Variants in GOLT1A observed in about 807,000 individuals in gnomAD.
GOLT1A encodes the protein golgi transport 1A, also known as vesicle transport protein GOT1A.
Under a neutral mutation model 16.1 loss-of-function variants are expected in GOLT1A, and 10 were observed. The ratio of observed to expected loss-of-function variants is 0.62; its 90% CI spans 0.38 to 1.05. The LOEUF (loss-of-function observed/expected upper bound fraction) is 1.05. Among genes scored for constraint, GOLT1A ranks in the 50% least tolerant of loss-of-function variants. The pLI is 0.01. For missense variants in GOLT1A, 137 were observed against 165.7 expected (o/e 0.83, Z 0.95); for synonymous variants, 60 against 67.9 (o/e 0.88, Z 0.57).
intron 2 of GOLT1A, among the ~76,000 whole-genome samples, chr1:204,202,633 G>A (rs1393723410): frequency 5.9e-5 from 9 of 151,986 alleles, no homozygotes; most frequent in South Asian, 4.1e-4. Flanking sequence ...CCAGGGTCTC[G>A]CCCAGAGCTC....
At chr1:204,199,369 G>A (rs1658915762) in intron 3 of GOLT1A, 111 bp from the exon 4 acceptor site, 1 of 813,450 alleles carries the variant, frequency 1.2e-6, no homozygotes, top group African/African-American at 1.7e-5. Context: ...CACACACCAG[G>A]GACAGGCTTG....
In GOLT1A at chr1:204,198,281, CTT is replaced by C. The variant is rs1287220038; in HGVS notation, c.*175_*176del. On this transcript the variant is annotated 3_prime_UTR_variant, in exon 5 of 5. Transcript: ENST00000308302. ...CTGCATCTCTGCTTCCTGGCAGCCT[CTT>C]GAGTCGACTTGGGGATTTGACGTCA... The C allele has an allele frequency of 3.1e-5, 19 of 603,250 alleles. No homozygotes were observed. The highest frequency in any genetic ancestry group is 3.8e-5 in the Non-Finnish European group (13 of 346,174). 37.4% of individuals were successfully genotyped at this position (603,250 alleles called of 1,614,324 possible).
At chr1:204,207,499 C>T (rs1659059897) in intron 1 of GOLT1A, among the ~76,000 whole-genome samples, 1 of 152,224 alleles carries the variant, frequency 6.6e-6, no homozygotes, top group South Asian at 2.1e-4. Context: ...CCCATGGCCA[C>T]CCGATACGGA....
chr1:204,201,375 G>A (rs1232297119), intron 3 of GOLT1A, among the ~76,000 whole-genome samples: 3 of 152,180 alleles, frequency 2.0e-5, no homozygotes, highest in African/African-American at 4.8e-5. Context: ...GGCAGGCCTC[G>A]TGTCTCTTCC....
chr1:204,210,547 T>A (rs1415988871), intron 1 of GOLT1A, among the ~76,000 whole-genome samples: 1 of 152,232 alleles, frequency 6.6e-6, no homozygotes, highest in Non-Finnish European at 1.5e-5. Flanking sequence ...CTCAGTCTCC[T>A]GAGTAGCTGG....
intron 4 of GOLT1A, 101 bp from the exon 5 acceptor site, chr1:204,198,597 C>A: frequency 8.8e-7 from 1 of 1,137,802 alleles, no homozygotes; most frequent in East Asian, 2.4e-5. Flanking sequence ...CTGTGCCAGG[C>A]GCAGATACGA....
intron 2 of GOLT1A, among the ~76,000 whole-genome samples, chr1:204,202,090 C>G (rs1280602647): frequency 6.6e-6 from 1 of 152,022 alleles, no homozygotes; most frequent in Non-Finnish European, 1.5e-5. Context: ...TCATATGGGA[C>G]TTGGTTTCTC....
chr1:204,198,629 C>T, intron 4 of GOLT1A, 133 bp from the exon 5 acceptor site: 1 of 791,984 alleles, frequency 1.3e-6, no homozygotes, highest in Non-Finnish European at 2.0e-6. Context: ...GGGGCTGTGT[C>T]CAGCTGGCGG....
intron 1 of GOLT1A, among the ~76,000 whole-genome samples, chr1:204,209,446 T>C (rs1394622493): frequency 6.6e-6 from 1 of 152,178 alleles, no homozygotes; most frequent in African/African-American, 2.4e-5. Context: ...GCCTTCTCTG[T>C]GTTAAACCTA....
At chr1:204,201,208 C>G (rs1046271567) in intron 3 of GOLT1A, among the ~76,000 whole-genome samples, 12 of 152,194 alleles carry the variant, frequency 7.9e-5, no homozygotes, top group African/African-American at 2.9e-4. Context: ...AGACTTTGGG[C>G]CGGGGGCAAC....
chr1:204,200,679 A>C (rs1213555397), intron 3 of GOLT1A, among the ~76,000 whole-genome samples: 1 of 152,116 alleles, frequency 6.6e-6, no homozygotes, highest in Non-Finnish European at 1.5e-5. Context: ...TATGCATGAG[A>C]AACTTTAAAG....
chr1:204,200,257 T>C (rs1021129663), intron 3 of GOLT1A, among the ~76,000 whole-genome samples: 1 of 143,818 alleles, frequency 7.0e-6, no homozygotes, highest in Non-Finnish European at 1.5e-5. Flanking sequence ...ATTATATATT[T>C]GACAATTTGA....
chr1:204,202,318 C>T lies in GOLT1A; in HGVS notation c.118-507G>A, dbSNP rs1012087134. ...CCCTTAAGAGTGCCCAGGCTCTCAT[C>T]AAATTGAACTCTCTGGTTTTCTTCC... On this transcript the variant is annotated intron_variant, in intron 2 of 4. Coordinates refer to ENST00000308302, the MANE Select transcript of GOLT1A (RefSeq NM_198447.2). 2.0e-5 allele frequency among the ~76,000 whole-genome samples: 3 copies of T among 151,266 alleles called. No homozygotes were observed. The East Asian group carries it at 5.9e-4, about 30-fold the overall frequency.
chr1:204,200,339 T>G (rs1252070284), intron 3 of GOLT1A, among the ~76,000 whole-genome samples: 1 of 56,524 alleles, frequency 1.8e-5, no homozygotes, highest in Non-Finnish European at 3.5e-5. Flanking sequence ...TTTTTTTTTT[T>G]TGAGAGAGAG....
intron 1 of GOLT1A, among the ~76,000 whole-genome samples, chr1:204,212,189 A>C (rs72749759): frequency 0.064 from 9,668 of 152,164 alleles, 390 homozygotes; most frequent in African/African-American, 0.11. Context: ...CAGGCTAAAA[A>C]ATATACAAGG....
rs150180519 is a variant in GOLT1A, at chr1:204,200,295, A to ATGTGTG, written c.297-1038_297-1037insCACACA. ...AAGCGACTGTTTGAAAATGACATATATGTGTATATATATATATATATATAT... is the reference window on the plus strand; with the variant it reads ...AAGCGACTGTTTGAAAATGACATATATGTGTGTGTGTATATATATATATATATATAT... On this transcript the variant is annotated intron_variant, in intron 3 of 4. Transcript: ENST00000308302. Among the ~76,000 whole-genome samples, 191 of 97,194 alleles carry ATGTGTG rather than the reference A, an allele frequency of 2.0e-3. 7 individuals are homozygous for ATGTGTG. The highest frequency in any genetic ancestry group is 8.9e-3 in the African/African-American group (168 of 18,838). 63.8% of individuals were successfully genotyped at this position (97,194 alleles called of 152,430 possible). A position where few individuals can be genotyped will look rare whatever the true frequency, so the allele number is the denominator to read the frequency against.
rs1050724282 is a variant in GOLT1A, at chr1:204,205,245, G to A, written c.26-2258C>T. ...CCTAGAAATCATTATCAAATCCAGT[G>A]CTGTAATGCTTTCCCCTATTTTTTA... is the stretch of plus-strand genomic sequence containing the variant. On this transcript the variant is annotated intron_variant, in intron 1 of 4. Coordinates refer to ENST00000308302, the MANE Select transcript of GOLT1A (RefSeq NM_198447.2). Among the ~76,000 whole-genome samples, 6 of 152,076 alleles carry A rather than the reference G, an allele frequency of 3.9e-5. No individual in the cohort carries two copies. In the East Asian group the frequency reaches 1.2e-3, roughly 29 times the overall value.
chr1:204,206,066 A>G (rs964003488), intron 1 of GOLT1A, among the ~76,000 whole-genome samples: 2 of 152,166 alleles, frequency 1.3e-5, no homozygotes, highest in Non-Finnish European at 2.9e-5. Flanking sequence ...GCAAAACTCC[A>G]TCTCAAAAAA....
At chr1:204,210,731 A>G (rs1659125363) in intron 1 of GOLT1A, among the ~76,000 whole-genome samples, 1 of 152,136 alleles carries the variant, frequency 6.6e-6, no homozygotes, top group African/African-American at 2.4e-5. Flanking sequence ...CCAGCCTCTC[A>G]CGTCTTCAAA....
Sources: gnomAD v4.1 joint callset for allele counts (sites outside exome capture counted in the v4.1 genomes callset) on GRCh38, gnomAD v4.1.1 for gene constraint, MANE v1.5 for transcripts, NCBI Gene and HGNC (gene_info 2026-07-23, HGNC 2026-07-21) for gene names.